Variants in HMGCLL1 observed in about 807,000 individuals in gnomAD.
HMGCLL1 encodes the protein 3-hydroxymethyl-3-methylglutaryl-CoA lyase, cytoplasmic.
Under a neutral mutation model 39.1 loss-of-function variants are expected in HMGCLL1, and 36 were observed. The observed-to-expected ratio is 0.92, with a 90% CI of 0.71 to 1.22. The LOEUF (loss-of-function observed/expected upper bound fraction) is 1.22, where lower values mean the gene tolerates loss of function less well. HMGCLL1 is among the 50% of genes most tolerant of loss of function. The pLI, the probability that HMGCLL1 is intolerant of heterozygous loss-of-function variation, is 0.00. For missense variants in HMGCLL1, 451 were observed against 416.5 expected (o/e 1.08, Z -0.72); for synonymous variants, 149 against 144.0 (o/e 1.03, Z -0.25).
the HMGCLL1 span, among the ~76,000 whole-genome samples, chr6:55,674,525 C>A: frequency 6.6e-6 from 1 of 151,990 alleles, no homozygotes; most frequent in Admixed American, 6.6e-5. Context: ...AGATCACAAG[C>A]AATCAGTAAA....
intron 7 of HMGCLL1, among the ~76,000 whole-genome samples, chr6:55,458,296 T>A (rs1417788315): frequency 2.0e-5 from 3 of 152,102 alleles, no homozygotes; most frequent in Non-Finnish European, 2.9e-5. Context: ...GCATACAAAA[T>A]CTGTGCTTTC....
chr6:55,545,926 G>C (rs993910825), intron 1 of HMGCLL1, among the ~76,000 whole-genome samples: 19 of 152,062 alleles, frequency 1.2e-4, no homozygotes, highest in Non-Finnish European at 8.8e-5. Context: ...ACTAGAGGAT[G>C]ACCAGGTAAC....
intron 3 of HMGCLL1, among the ~76,000 whole-genome samples, chr6:55,538,712 C>T (rs1000162628): frequency 5.3e-5 from 8 of 151,940 alleles, no homozygotes; most frequent in South Asian, 2.1e-4. Context: ...ACATTGAGCA[C>T]CTACTTACTA....
At chr6:55,668,091 C>G in the HMGCLL1 span, among the ~76,000 whole-genome samples, 1 of 151,796 alleles carries the variant, frequency 6.6e-6, no homozygotes, top group Non-Finnish European at 1.5e-5. Context: ...AAATTAAACT[C>G]ACCTATGAGA....
the HMGCLL1 span, among the ~76,000 whole-genome samples, chr6:55,636,073 C>A: frequency 6.6e-6 from 1 of 152,028 alleles, no homozygotes; most frequent in Non-Finnish European, 1.5e-5. Context: ...TCAAGTATAG[C>A]ACTAGATTTT....
chr6:55,678,161 G>C, the HMGCLL1 span, among the ~76,000 whole-genome samples: 45,482 of 151,938 alleles, frequency 0.3, 6,991 homozygotes, highest in East Asian at 0.37. Flanking sequence ...CTGGCATTTT[G>C]AGAACCAGAG....
intron 7 of HMGCLL1, among the ~76,000 whole-genome samples, chr6:55,492,010 A>T (rs1766334338): frequency 1.3e-5 from 2 of 152,014 alleles, no homozygotes; most frequent in African/African-American, 4.8e-5. Context: ...TTCCAGACTG[A>T]GGGGGACGTT....
chr6:55,641,903 TTTATTTATTTA>T, the HMGCLL1 span, among the ~76,000 whole-genome samples: 48 of 148,030 alleles, frequency 3.2e-4, no homozygotes, highest in African/African-American at 1.1e-3. Flanking sequence ...TATTTATTTA[TTTATTTATTTA>T]TTTTTTATTA....
chr6:55,588,700 T>G, the HMGCLL1 span, among the ~76,000 whole-genome samples: 3 of 150,834 alleles, frequency 2.0e-5, no homozygotes, highest in Non-Finnish European at 4.4e-5. Flanking sequence ...TCAAATAGAC[T>G]CAATAAAAAA....
chr6:55,587,607 G>A, the HMGCLL1 span, among the ~76,000 whole-genome samples: 6 of 152,032 alleles, frequency 3.9e-5, no homozygotes, highest in African/African-American at 1.2e-4. Context: ...ACACAGACTG[G>A]CAAATAGGAA....
intron 1 of HMGCLL1, among the ~76,000 whole-genome samples, chr6:55,572,125 A>G (rs1457908620): frequency 6.6e-6 from 1 of 152,176 alleles, no homozygotes; most frequent in Non-Finnish European, 1.5e-5. Context: ...AAGAGCATAA[A>G]CAAGCCTACA....
intron 8 of HMGCLL1, among the ~76,000 whole-genome samples, chr6:55,438,277 C>G (rs146967457): frequency 3.3e-5 from 5 of 152,174 alleles, no homozygotes; most frequent in African/African-American, 1.2e-4. Flanking sequence ...TGGGCAACAG[C>G]TGTTGGTGTT....
chr6:55,544,292 A>G (rs190132756), intron 1 of HMGCLL1, among the ~76,000 whole-genome samples: 1 of 152,230 alleles, frequency 6.6e-6, no homozygotes. Context: ...GAAGGCTGTT[A>G]TTTAAAATCG....
the HMGCLL1 span, among the ~76,000 whole-genome samples, chr6:55,678,013 G>A: frequency 1.7e-4 from 26 of 152,088 alleles, no homozygotes; most frequent in Non-Finnish European, 2.8e-4. Flanking sequence ...GTACAAACTA[G>A]ATTCATGAAC....
At chr6:55,656,744 T>A in the HMGCLL1 span, among the ~76,000 whole-genome samples, 1 of 152,128 alleles carries the variant, frequency 6.6e-6, no homozygotes, top group African/African-American at 2.4e-5. Context: ...AGCAAGCAGT[T>A]TATCCATTGA....
chr6:55,627,880 C>CA, the HMGCLL1 span, among the ~76,000 whole-genome samples: 1 of 26,368 alleles, frequency 3.8e-5, no homozygotes, highest in African/African-American at 1.5e-4. Context: ...AATAAACTCC[C>CA]TTATATATAT....
chr6:55,585,391 G>A, the HMGCLL1 span, among the ~76,000 whole-genome samples: 2 of 152,022 alleles, frequency 1.3e-5, no homozygotes, highest in South Asian at 2.1e-4. Context: ...GTTGAAATCC[G>A]CATATTTTTT....
At chr6:55,598,505 C>G in the HMGCLL1 span, among the ~76,000 whole-genome samples, 407 of 152,256 alleles carry the variant, frequency 2.7e-3, 2 homozygotes, top group African/African-American at 9.4e-3. Context: ...CCTCCTGTTA[C>G]CACGCTAACA....
chr6:55,480,183 G>C (rs571449402), intron 7 of HMGCLL1, among the ~76,000 whole-genome samples: 1 of 151,590 alleles, frequency 6.6e-6, no homozygotes, highest in East Asian at 1.9e-4. Flanking sequence ...AAACAACAAA[G>C]AGACAACCCA....
Sources: allele counts gnomAD v4.1 joint callset (sites outside exome capture counted in the v4.1 genomes callset), GRCh38; gene constraint gnomAD v4.1.1; transcripts MANE v1.5; gene names NCBI Gene and HGNC (gene_info 2026-07-23, HGNC 2026-07-21).